The following CCDC192 variants were observed in gnomAD, a reference collection of about 807,000 sequenced individuals.
CCDC192 encodes coiled-coil domain containing 192.
chr5:127,725,340 C>A (rs1206710806), intron 2 of CCDC192, among the ~76,000 whole-genome samples: 1 of 152,058 alleles, frequency 6.6e-6, no homozygotes, highest in Non-Finnish European at 1.5e-5. Context: ...TGATTGATTC[C>A]ATCATCAGCA....
chr5:127,787,941 G>T (rs1199796550), intron 3 of CCDC192, among the ~76,000 whole-genome samples: 1 of 152,070 alleles, frequency 6.6e-6, no homozygotes, highest in Admixed American at 6.6e-5. Context: ...AATTTGCTGG[G>T]CATCATAATG....
intron 3 of CCDC192, among the ~76,000 whole-genome samples, chr5:127,768,631 A>T (rs1489619571): frequency 1.3e-5 from 2 of 152,206 alleles, no homozygotes; most frequent in African/African-American, 4.8e-5. Context: ...ACAAGAGATT[A>T]TTATGCTTCT....
chr5:127,785,244 G>T, intron 3 of CCDC192: 1 of 512,396 alleles, frequency 2.0e-6, no homozygotes. Context: ...AGAAAGCTGT[G>T]AATTGCCGAT....
intron 5 of CCDC192, among the ~76,000 whole-genome samples, chr5:127,833,501 C>T (rs1749893953): frequency 6.6e-6 from 1 of 152,090 alleles, no homozygotes; most frequent in African/African-American, 2.4e-5. Flanking sequence ...CATGTATCCT[C>T]CTTATACTAC....
At chr5:127,873,508 A>G (rs1265436390) in intron 5 of CCDC192, among the ~76,000 whole-genome samples, 1 of 152,194 alleles carries the variant, frequency 6.6e-6, no homozygotes, top group East Asian at 1.9e-4. Context: ...TTATTTATGC[A>G]TTTCAGTGCA....
chr5:127,827,628 T>A (rs1320958092), intron 5 of CCDC192, among the ~76,000 whole-genome samples: 1 of 152,198 alleles, frequency 6.6e-6, no homozygotes, highest in Non-Finnish European at 1.5e-5. Flanking sequence ...GAAGAACGCC[T>A]TGTGCTGTCT....
intron 6 of CCDC192, among the ~76,000 whole-genome samples, chr5:127,898,711 C>T (rs1752961720): frequency 6.6e-6 from 1 of 152,042 alleles, no homozygotes; most frequent in Admixed American, 6.6e-5. Context: ...CGTTCCCATC[C>T]CTGCATGGTA....
chr5:127,766,014 A>AT (rs1352065103), intron 3 of CCDC192, among the ~76,000 whole-genome samples: 1 of 152,114 alleles, frequency 6.6e-6, no homozygotes, highest in East Asian at 1.9e-4. Context: ...TCTTAAGCCT[A>AT]TTTTCACAAT....
intron 2 of CCDC192, among the ~76,000 whole-genome samples, chr5:127,746,622 T>C (rs1321205825): frequency 6.6e-6 from 1 of 152,084 alleles, no homozygotes; most frequent in African/African-American, 2.4e-5. Flanking sequence ...CTTTTTTTTT[T>C]TTTTGAGAAT....
intron 2 of CCDC192, among the ~76,000 whole-genome samples, chr5:127,733,751 AG>A (rs1752780455): frequency 6.6e-6 from 1 of 151,818 alleles, no homozygotes; most frequent in Admixed American, 6.6e-5. Context: ...CTATCACTGT[AG>A]CCTCTGAAAA....
At chr5:127,837,655 T>A (rs1481541118) in intron 5 of CCDC192, among the ~76,000 whole-genome samples, 1 of 152,222 alleles carries the variant, frequency 6.6e-6, no homozygotes, top group Non-Finnish European at 1.5e-5. Flanking sequence ...ACCATTTGTC[T>A]CCAAACAAAT....
chr5:127,915,477 G>T (rs1215817905), intron 6 of CCDC192, among the ~76,000 whole-genome samples: 2 of 152,220 alleles, frequency 1.3e-5, no homozygotes, highest in Admixed American at 6.5e-5. Flanking sequence ...TGCCTCCCGG[G>T]TTCAAGCAAT....
At chr5:127,730,417 T>C (rs1205763958) in intron 2 of CCDC192, among the ~76,000 whole-genome samples, 6 of 151,944 alleles carry the variant, frequency 3.9e-5, no homozygotes, top group Non-Finnish European at 7.4e-5. Flanking sequence ...GACCAGACAG[T>C]TTTATAGCTA....
At chr5:127,844,315 A>T (rs1489977513) in intron 5 of CCDC192, among the ~76,000 whole-genome samples, 5 of 152,244 alleles carry the variant, frequency 3.3e-5, no homozygotes, top group African/African-American at 1.2e-4. Flanking sequence ...TCTAATTTTC[A>T]AAGTAGATTA....
At chr5:127,911,760 G>A (rs1476533133) in intron 6 of CCDC192, among the ~76,000 whole-genome samples, 1 of 143,846 alleles carries the variant, frequency 7.0e-6, no homozygotes, top group African/African-American at 2.6e-5. Context: ...AGGCTGGAAT[G>A]CAGTGGTGTA....
intron 2 of CCDC192, among the ~76,000 whole-genome samples, chr5:127,735,741 G>A (rs1367447745): frequency 2.3e-5 from 3 of 129,078 alleles, no homozygotes; most frequent in Non-Finnish European, 4.6e-5. Flanking sequence ...TCTGTTGTTG[G>A]TGTATAAGAA....
intron 5 of CCDC192, among the ~76,000 whole-genome samples, chr5:127,837,401 G>A (rs1750073604): frequency 1.2e-5 from 1 of 80,528 alleles, no homozygotes; most frequent in South Asian, 3.4e-4. Context: ...TGCAAGCAGG[G>A]TAAATGCCAG....
At chr5:127,764,171 G>A (rs1755082923) in intron 3 of CCDC192, among the ~76,000 whole-genome samples, 1 of 152,098 alleles carries the variant, frequency 6.6e-6, no homozygotes, top group African/African-American at 2.4e-5. Flanking sequence ...ACACAAGGAG[G>A]GCCATTGAAG....
At position 127,703,399 on chromosome 5, in the gene CCDC192, T is replaced by C. The variant is rs148168872; in HGVS notation, c.-47T>C. ...CTAAAACTCTAAAGAATGATGCCTG[T>C]TGACGTCTGTCCCAGGGACAGGGGA... is the stretch of plus-strand genomic sequence containing the variant. On this transcript the variant is annotated 5_prime_UTR_variant, in exon 1 of 7. Coordinates refer to ENST00000514853, the MANE Select transcript of CCDC192 (RefSeq NM_001317938.2). The C allele has an allele frequency of 9.5e-5, 38 of 398,998 alleles. No individual in the cohort carries two copies. The East Asian group carries it at 1.4e-3, about 14-fold the overall frequency. The allele number at this position is 398,998 out of a possible 1,614,324, so 24.7% of individuals were successfully genotyped here.
Sources: allele counts gnomAD v4.1 joint callset (sites outside exome capture counted in the v4.1 genomes callset), GRCh38; gene constraint gnomAD v4.1.1; transcripts MANE v1.5; gene names NCBI Gene and HGNC (gene_info 2026-07-23, HGNC 2026-07-21).